Variants in ZFAND3 observed in about 807,000 individuals in gnomAD.
The protein encoded by ZFAND3 is zinc finger AN1-type containing 3.
Under a neutral mutation model 29.6 loss-of-function variants are expected in ZFAND3, and 10 were observed. The ratio of observed to expected loss-of-function variants is 0.34; its 90% CI spans 0.21 to 0.57. The LOEUF (loss-of-function observed/expected upper bound fraction) is 0.57. ZFAND3 is among the 20% of genes least tolerant of loss of function. ZFAND3 has a pLI of 0.86. For synonymous variants in ZFAND3, 128 were observed against 112.6 expected (o/e 1.14, Z -0.87); for missense variants, 230 against 304.5 (o/e 0.76, Z 1.82).
chr6:37,864,933 A>C (rs1764562048), intron 1 of ZFAND3, among the ~76,000 whole-genome samples: 1 of 152,166 alleles, frequency 6.6e-6, no homozygotes, highest in Admixed American at 6.5e-5. Flanking sequence ...TAATCCCAGC[A>C]CTTTGGGAGG....
rs945358930 is a variant in ZFAND3, at chr6:37,951,407, A to G, written c.112+21408A>G. ...GGAGATTGAGGCCATCCTGGCTAACATGGTGAAACCCCGTCTCTACTAAAA... is the reference window on the plus strand; with the variant it reads ...GGAGATTGAGGCCATCCTGGCTAACGTGGTGAAACCCCGTCTCTACTAAAA... On this transcript the variant is annotated intron_variant, in intron 2 of 5. Transcript: ENST00000287218. Among the ~76,000 whole-genome samples the G allele has an allele frequency of 8.8e-4, 134 of 152,126 alleles. 2 individuals are homozygous for G. The highest frequency in any genetic ancestry group is 3.2e-3 in the African/African-American group (131 of 41,424).
intron 5 of ZFAND3, among the ~76,000 whole-genome samples, chr6:38,140,854 A>G (rs559865087): frequency 6.6e-6 from 1 of 152,276 alleles, no homozygotes; most frequent in African/African-American, 2.4e-5. Flanking sequence ...CTGACTTCAG[A>G]TTTGAACTCA....
intron 2 of ZFAND3, among the ~76,000 whole-genome samples, chr6:38,022,564 C>G (rs1763371985): frequency 6.6e-6 from 1 of 152,206 alleles, no homozygotes; most frequent in Non-Finnish European, 1.5e-5. Flanking sequence ...ATACAGTGCT[C>G]TAATCCTTAA....
At chr6:38,072,324 G>T (rs557204736) in intron 3 of ZFAND3, among the ~76,000 whole-genome samples, 34 of 152,280 alleles carry the variant, frequency 2.2e-4, no homozygotes, top group African/African-American at 7.0e-4. Flanking sequence ...CCCTTAAGAA[G>T]TCTGCAGATC....
At chr6:37,822,831 C>G (rs920343462) in intron 1 of ZFAND3, among the ~76,000 whole-genome samples, 25 of 152,106 alleles carry the variant, frequency 1.6e-4, no homozygotes, top group Non-Finnish European at 3.2e-4. Context: ...ATTTGAGGAA[C>G]AGGTTTGTTG....
At chr6:37,992,561 C>T (rs1008615344) in intron 2 of ZFAND3, among the ~76,000 whole-genome samples, 1 of 152,092 alleles carries the variant, frequency 6.6e-6, no homozygotes, top group African/African-American at 2.4e-5. Context: ...CAAACATTGA[C>T]ACTCCACCCT....
chr6:37,960,279 CAGG>C (rs894111774), intron 2 of ZFAND3, among the ~76,000 whole-genome samples: 1 of 152,236 alleles, frequency 6.6e-6, no homozygotes, highest in Non-Finnish European at 1.5e-5. Context: ...TCCTGCAACA[CAGG>C]TAATTCAGAT....
At chr6:38,088,495 C>T (rs11758747) in intron 4 of ZFAND3, 14,175 of 152,222 alleles carry the variant, frequency 0.093, 835 homozygotes, top group East Asian at 0.29. Context: ...AGTGTGACTA[C>T]AGTCAATAAT....
intron 5 of ZFAND3, among the ~76,000 whole-genome samples, chr6:38,122,165 G>A (rs939236302): frequency 5.3e-5 from 8 of 152,014 alleles, no homozygotes; most frequent in Non-Finnish European, 1.0e-4. Flanking sequence ...GCGGGGAATC[G>A]GCTCCAGAGC....
intron 1 of ZFAND3, among the ~76,000 whole-genome samples, chr6:37,896,557 T>TCTTTCTTTC (rs1765215296): frequency 6.7e-6 from 1 of 149,406 alleles, no homozygotes; most frequent in African/African-American, 2.5e-5. Flanking sequence ...TTTCTTTCTT[T>TCTTTCTTTC]CTTTCTTTCT....
At chr6:38,064,788 T>C (rs368841350) in intron 3 of ZFAND3, among the ~76,000 whole-genome samples, 1 of 152,166 alleles carries the variant, frequency 6.6e-6, no homozygotes, top group East Asian at 1.9e-4. Context: ...CATTGTATGT[T>C]TCTCTTAGAC....
chr6:38,126,223 T>C (rs1482775628), intron 5 of ZFAND3, among the ~76,000 whole-genome samples: 1 of 152,266 alleles, frequency 6.6e-6, no homozygotes, highest in Non-Finnish European at 1.5e-5. Flanking sequence ...TCATCCATAT[T>C]ATATATCAGT....
intron 4 of ZFAND3, among the ~76,000 whole-genome samples, chr6:38,105,606 C>G (rs993638466): frequency 6.6e-6 from 1 of 151,996 alleles, no homozygotes; most frequent in Admixed American, 6.6e-5. Context: ...AAGAAGAATC[C>G]TTGTGGCGAT....
At chr6:38,137,074 G>A (rs1275748953) in intron 5 of ZFAND3, among the ~76,000 whole-genome samples, 1 of 152,232 alleles carries the variant, frequency 6.6e-6, no homozygotes, top group African/African-American at 2.4e-5. Context: ...ATTCAATTCT[G>A]TGTTGTCTGT....
rs143746154 is a variant in ZFAND3, at chr6:37,887,900, A to G, written c.72-42059A>G. On this transcript the variant is annotated intron_variant, in intron 1 of 5. Coordinates refer to ENST00000287218, the MANE Select transcript of ZFAND3 (RefSeq NM_021943.3). ...CCTTGGCAAACACATTTACAAAGTC[A>G]TGCTATCTCAAGTGCAGTTGGGCTT... is the stretch of plus-strand genomic sequence containing the variant. 3.5e-3 allele frequency among the ~76,000 whole-genome samples: 527 copies of G among 152,320 alleles called. 4 individuals carry two copies. Among genetic ancestry groups the G allele is most frequent in the African/African-American group, 0.012 (504 of 41,582 alleles).
chr6:38,075,823 C>G (rs1038448166), intron 3 of ZFAND3, among the ~76,000 whole-genome samples: 8 of 152,130 alleles, frequency 5.3e-5, no homozygotes, highest in African/African-American at 1.9e-4. Flanking sequence ...GCAATCTCTG[C>G]TCACTGCAAC....
chr6:38,154,267 GC>G lies in ZFAND3; in HGVS notation c.*1884del. The G allele has an allele frequency of 1.0e-6, 1 of 984,966 alleles. No homozygotes were observed. The highest frequency in any genetic ancestry group is 1.2e-6 in the Non-Finnish European group (1 of 829,932). 61.0% of individuals were successfully genotyped at this position (984,966 alleles called of 1,614,324 possible). On this transcript the variant is annotated 3_prime_UTR_variant, in exon 6 of 6. Transcript: ENST00000287218. Reference sequence around the variant, plus strand: ...CGAGCCCTTCCCGGCCCTCCCCAGGGCCCCCCGCCCCCTCCTCTGCCTGCTG... The same window carrying G: ...CGAGCCCTTCCCGGCCCTCCCCAGGGCCCCCGCCCCCTCCTCTGCCTGCTG...
At chr6:38,013,607 A>G (rs1273852356) in intron 2 of ZFAND3, among the ~76,000 whole-genome samples, 2 of 152,186 alleles carry the variant, frequency 1.3e-5, no homozygotes, top group Non-Finnish European at 2.9e-5. Context: ...GACTTATTTT[A>G]ATCAGTTGCT....
intron 1 of ZFAND3, among the ~76,000 whole-genome samples, chr6:37,892,403 G>A (rs757302337): frequency 6.6e-6 from 1 of 152,168 alleles, no homozygotes; most frequent in Non-Finnish European, 1.5e-5. Flanking sequence ...GCCAGCCTGG[G>A]GAAGCAACAT....
Sources: allele counts gnomAD v4.1 joint callset (sites outside exome capture counted in the v4.1 genomes callset), GRCh38; gene constraint gnomAD v4.1.1; transcripts MANE v1.5; gene names NCBI Gene and HGNC (gene_info 2026-07-23, HGNC 2026-07-21).